Variants in TINAG observed in about 807,000 individuals in gnomAD.
TINAG encodes the protein tubulointerstitial nephritis antigen.
In TINAG, 83 loss-of-function variants were observed where a neutral mutation model predicts 72.7. The observed-to-expected ratio is 1.14, with a 90% CI of 0.96 to 1.37. The LOEUF is 1.37. Ranked by LOEUF, TINAG falls within the 40% of genes most tolerant of loss-of-function variation. The pLI, the probability that TINAG is intolerant of heterozygous loss-of-function variation, is 0.00. For synonymous variants in TINAG, 234 were observed against 189.9 expected (o/e 1.23, Z -1.91); for missense variants, 685 against 576.6 (o/e 1.19, Z -1.93).
chr6:54,318,804 C>T (rs1389851806), intron 1 of TINAG, among the ~76,000 whole-genome samples: 1 of 152,084 alleles, frequency 6.6e-6, no homozygotes, highest in Non-Finnish European at 1.5e-5. Flanking sequence ...ATTATATAGA[C>T]ACTGATGCTT....
chr6:54,331,622 G>A, intron 4 of TINAG, among the ~76,000 whole-genome samples: 1 of 152,176 alleles, frequency 6.6e-6, no homozygotes, highest in East Asian at 1.9e-4. Context: ...AATCAGGCAA[G>A]AGAACGAAAT....
chr6:54,332,719 T>A (rs1402065846), intron 4 of TINAG, among the ~76,000 whole-genome samples: 1 of 152,202 alleles, frequency 6.6e-6, no homozygotes, highest in Non-Finnish European at 1.5e-5. Flanking sequence ...AGTCTATCCA[T>A]CTGACAAAGG....
chr6:54,360,135 G>C (rs1313580272), intron 9 of TINAG, among the ~76,000 whole-genome samples: 1 of 151,620 alleles, frequency 6.6e-6, no homozygotes, highest in African/African-American at 2.4e-5. Flanking sequence ...TCTAGCATAA[G>C]GTGATAAAGG....
chr6:54,353,105 T>C (rs1326058626), intron 8 of TINAG, among the ~76,000 whole-genome samples: 1 of 151,832 alleles, frequency 6.6e-6, no homozygotes, highest in Non-Finnish European at 1.5e-5. Context: ...CGTGAATTTA[T>C]CAAGTCTGTT....
In TINAG at chr6:54,343,216, T is replaced by A. The variant is rs763496090; in HGVS notation, c.625-10T>A. 2.0e-6 allele frequency: 3 copies of A among 1,538,166 alleles called. No homozygotes were observed. Among genetic ancestry groups the A allele is most frequent in the Admixed American group, 3.7e-5 (2 of 53,494 alleles). ...AAAATCTCATATATGTACCTCTTCT[T>A]CCTCTTTAGGCTTCTTTACCTGCAA... On this transcript the variant is annotated splice_polypyrimidine_tract_variant and intron_variant, in intron 4 of 10. Coordinates refer to ENST00000259782, the MANE Select transcript of TINAG (RefSeq NM_014464.4).
intron 9 of TINAG, among the ~76,000 whole-genome samples, chr6:54,375,303 G>C (rs1763746833): frequency 6.6e-6 from 1 of 152,016 alleles, no homozygotes; most frequent in African/African-American, 2.4e-5. Context: ...CTTATTGTTT[G>C]TCAGAAACAC....
chr6:54,317,371 C>A (rs890347599), intron 1 of TINAG, among the ~76,000 whole-genome samples: 2 of 151,948 alleles, frequency 1.3e-5, no homozygotes, highest in African/African-American at 4.8e-5. Flanking sequence ...GGGAGGGACC[C>A]AGTGAGAGGG....
chr6:54,370,589 G>A (rs537071628), intron 9 of TINAG, among the ~76,000 whole-genome samples: 15 of 152,054 alleles, frequency 9.9e-5, no homozygotes, highest in South Asian at 4.1e-4. Flanking sequence ...GAATAACATG[G>A]AGAGCCTTGG....
intron 4 of TINAG, among the ~76,000 whole-genome samples, chr6:54,335,579 T>A (rs1397951776): frequency 6.6e-6 from 1 of 152,138 alleles, no homozygotes; most frequent in Non-Finnish European, 1.5e-5. Context: ...TAACAGCAAG[T>A]GTTTCTAGGA....
At chr6:54,334,214 G>T (rs1000033785) in intron 4 of TINAG, among the ~76,000 whole-genome samples, 1 of 152,188 alleles carries the variant, frequency 6.6e-6, no homozygotes, top group Non-Finnish European at 1.5e-5. Context: ...AATGCCCGGG[G>T]CAGAGTGGTG....
At chr6:54,342,630 A>C (rs1329328401) in intron 4 of TINAG, among the ~76,000 whole-genome samples, 2 of 152,074 alleles carry the variant, frequency 1.3e-5, no homozygotes, top group African/African-American at 4.8e-5. Context: ...AGCCTCCCAA[A>C]GTGCTGGGAT....
intron 10 of TINAG, among the ~76,000 whole-genome samples, chr6:54,386,570 T>A (rs950620105): frequency 1.3e-5 from 2 of 152,116 alleles, no homozygotes; most frequent in African/African-American, 4.8e-5. Flanking sequence ...GTTTTACAGA[T>A]CCTCTCTCAA....
At chr6:54,320,087 A>G (rs1167036933) in intron 1 of TINAG, among the ~76,000 whole-genome samples, 14 of 152,080 alleles carry the variant, frequency 9.2e-5, no homozygotes, top group Non-Finnish European at 2.1e-4. Flanking sequence ...CCTTATTCAG[A>G]TCCTAAAGAA....
chr6:54,359,495 T>C (rs1181607954), intron 9 of TINAG, among the ~76,000 whole-genome samples: 1 of 151,840 alleles, frequency 6.6e-6, no homozygotes, highest in Non-Finnish European at 1.5e-5. Flanking sequence ...ATATTGGTCA[T>C]GTTTTCTTTT....
chr6:54,341,957 T>A (rs2150953553), intron 4 of TINAG, among the ~76,000 whole-genome samples: 1 of 152,206 alleles, frequency 6.6e-6, no homozygotes, highest in South Asian at 2.1e-4. Flanking sequence ...ATAATATTTG[T>A]CCCTGAGTAT....
At chr6:54,313,896 G>A (rs938462720) in intron 1 of TINAG, among the ~76,000 whole-genome samples, 1 of 152,108 alleles carries the variant, frequency 6.6e-6, no homozygotes, top group African/African-American at 2.4e-5. Context: ...TATTTTGGAT[G>A]TTGGAATATC....
intron 4 of TINAG, chr6:54,327,263 A>G: frequency 8.8e-6 from 12 of 1,359,060 alleles, no homozygotes; most frequent in Non-Finnish European, 1.1e-5. Flanking sequence ...GGTTCATCTC[A>G]TTGGGACTGG....
At position 54,366,035 on chromosome 6, in the gene TINAG, C is replaced by T. The variant is rs1431198513; in HGVS notation, c.1250+11399C>T. Among the ~76,000 whole-genome samples, 5 of 151,588 alleles carry T rather than the reference C, an allele frequency of 3.3e-5. No homozygotes were observed. The East Asian group carries it at 9.7e-4, about 29-fold the overall frequency. ...AAGTAATACATGCTTTTGATACCAA[C>T]TATATCCATAATCACGGTAGTAGAA... On this transcript the variant is annotated intron_variant, in intron 9 of 10. Transcript: ENST00000259782.
rs35449496 is a variant in TINAG, at chr6:54,389,910, T to C, written c.1416T>C (p.Ser472=). 3,178 of 1,611,478 alleles carry C rather than the reference T, an allele frequency of 2.0e-3. 38 individuals are homozygous for C. In the African/African-American group the frequency reaches 0.027, roughly 14 times the overall value. ...LIIAAWGQLT[S]SDEP The stretch of plus-strand genomic sequence containing the variant: ...TCGCAGCTTGGGGCCAACTGACGAG[T>C]TCTGATGAACCATAACATATCATTA... The change falls in exon 11 of 11, where the codon AGT becomes AGC. Residue 472 remains serine, a synonymous_variant. Coordinates refer to ENST00000259782, the MANE Select transcript of TINAG (RefSeq NM_014464.4).
Sources: gnomAD v4.1 joint callset for allele counts (sites outside exome capture counted in the v4.1 genomes callset) on GRCh38, gnomAD v4.1.1 for gene constraint, MANE v1.5 for transcripts, NCBI Gene and HGNC (gene_info 2026-07-23, HGNC 2026-07-21) for gene names.